Variants in SMARCA2 observed in about 807,000 individuals in gnomAD.
The protein encoded by SMARCA2 is SWI/SNF-related matrix-associated actin-dependent regulator of chromatin subfamily A member 2.
In SMARCA2, 61 loss-of-function variants were observed where a neutral mutation model predicts 199.8. The observed-to-expected ratio is 0.31, with a 90% CI of 0.25 to 0.38. The LOEUF is 0.38. Among genes scored for constraint, SMARCA2 ranks in the 10% least tolerant of loss-of-function variants. SMARCA2 has a pLI of 1.00. For missense variants in SMARCA2, 1,344 were observed against 2,012.2 expected (o/e 0.67, Z 6.35); for synonymous variants, 935 against 732.0 (o/e 1.28, Z -4.48).
rs1166652290 is a variant in SMARCA2 at position 2,039,824 on chromosome 9, GCCGCAGCAGCAGCCGCCGCAA to G, written c.717_737del (p.Gln241_Gln247del). The G allele has an allele frequency of 6.8e-6, 11 of 1,608,414 alleles. No homozygotes were observed. Among genetic ancestry groups the G allele is most frequent in the Non-Finnish European group, 9.3e-6 (11 of 1,177,466 alleles). On this transcript the variant is annotated inframe_deletion, in exon 4 of 34. Transcript: ENST00000349721. The surrounding 1 kb of genome is among the most constrained non-coding windows in gnomAD (Gnocchi z 4.8). Reference sequence around the variant, plus strand: ...AGCAGCAGCAGCAGCAGCAACAGCAGCCGCAGCAGCAGCCGCCGCAACCACAGACGCAGCAACAACAGCAGC... The same window carrying G: ...AGCAGCAGCAGCAGCAGCAACAGCAGCCACAGACGCAGCAACAACAGCAGC...
intron 27 of SMARCA2, among the ~76,000 whole-genome samples, chr9:2,143,273 G>T (rs1000636828): frequency 3.9e-5 from 6 of 152,148 alleles, no homozygotes; most frequent in Non-Finnish European, 7.3e-5. Context: ...TGTGTGTTTG[G>T]GACAGAGTTT....
chr9:2,152,518 A>T (rs988675169), intron 27 of SMARCA2, among the ~76,000 whole-genome samples: 2 of 152,110 alleles, frequency 1.3e-5, no homozygotes, highest in East Asian at 3.9e-4. Context: ...GTACCGCTGC[A>T]CTCCAGCCTG....
chr9:2,131,917 G>A (rs944088053), intron 27 of SMARCA2, among the ~76,000 whole-genome samples: 20 of 136,020 alleles, frequency 1.5e-4, no homozygotes, highest in African/African-American at 5.3e-4. Context: ...GCAGCCTGGC[G>A]ACAGAGCAAA....
Position 2,170,388 on chromosome 9 carries a change from T to G in SMARCA2, c.4200-31T>G, listed in dbSNP as rs1376888327. ...GGCGGGGACGAGAACCCAGGTCTTC[T>G]GACTCTAGTGTTCTTTCTACTCTAC... On this transcript the variant is annotated intron_variant, in intron 28 of 33. Transcript: ENST00000349721. The surrounding 1 kb of genome is among the most constrained non-coding windows in gnomAD (Gnocchi z 4.7). 6.2e-7 allele frequency: 1 copy of G among 1,613,790 alleles called. No individual in the cohort carries two copies.
chr9:2,094,729 T>G (rs2130517016), intron 19 of SMARCA2, among the ~76,000 whole-genome samples: 1 of 152,322 alleles, frequency 6.6e-6, no homozygotes, highest in East Asian at 1.9e-4. Context: ...GAAGGCTAAA[T>G]GTGGCTATCC....
intron 2 of SMARCA2, among the ~76,000 whole-genome samples, chr9:2,032,345 A>G (rs1301884723): frequency 2.0e-5 from 3 of 152,106 alleles, no homozygotes; most frequent in Non-Finnish European, 4.4e-5. Flanking sequence ...GTGTTCGTTT[A>G]TTTCCAAACT....
At chr9:2,126,507 T>A (rs1823703883) in intron 27 of SMARCA2, among the ~76,000 whole-genome samples, 1 of 152,204 alleles carries the variant, frequency 6.6e-6, no homozygotes, top group African/African-American at 2.4e-5. Context: ...GATGATGAAA[T>A]GATATTGAAG....
At chr9:2,141,085 C>G (rs1824440165) in intron 27 of SMARCA2, among the ~76,000 whole-genome samples, 1 of 152,098 alleles carries the variant, frequency 6.6e-6, no homozygotes, top group South Asian at 2.1e-4. Context: ...ACCAAGTTGG[C>G]AAGTGTCATG....
chr9:2,096,423 C>G (rs933150204), intron 19 of SMARCA2, among the ~76,000 whole-genome samples: 6 of 152,166 alleles, frequency 3.9e-5, no homozygotes, highest in African/African-American at 1.4e-4. Flanking sequence ...GAAAACATGA[C>G]CCTAGCATCA....
intron 18 of SMARCA2, among the ~76,000 whole-genome samples, chr9:2,088,114 C>A (rs1374220155): frequency 6.6e-6 from 1 of 152,224 alleles, no homozygotes; most frequent in African/African-American, 2.4e-5. Context: ...AAGGGCCTAA[C>A]TTAAGGCTGC....
At chr9:2,054,234 G>C (rs919831212) in intron 5 of SMARCA2, among the ~76,000 whole-genome samples, 2 of 152,352 alleles carry the variant, frequency 1.3e-5, no homozygotes, top group African/African-American at 2.4e-5. Flanking sequence ...TCTGCATTCT[G>C]TCTGGCTGGG....
intron 27 of SMARCA2, among the ~76,000 whole-genome samples, chr9:2,146,648 T>C (rs1328400683): frequency 6.6e-6 from 1 of 152,242 alleles, no homozygotes; most frequent in Non-Finnish European, 1.5e-5. Flanking sequence ...GGCTACTCCA[T>C]AGGCAGAGCA....
Position 2,192,932 on chromosome 9 carries a change from T to TAACA in SMARCA2, c.*194_*197dup. On this transcript the variant is annotated 3_prime_UTR_variant, in exon 34 of 34. Coordinates refer to ENST00000349721, the MANE Select transcript of SMARCA2 (RefSeq NM_003070.5). ...AAACACACACATACACAAATATTTG[T>TAACA]AACATATTGTGACCAAATGGGCCTC... 3 of 535,722 alleles carry TAACA rather than the reference T, an allele frequency of 5.6e-6. No individual in the cohort carries two copies. The Admixed American group carries it at 1.1e-4, about 19-fold the overall frequency. 33.2% of individuals were successfully genotyped at this position (535,722 alleles called of 1,614,324 possible).
At chr9:2,125,679 G>T (rs1157418965) in intron 27 of SMARCA2, among the ~76,000 whole-genome samples, 2 of 151,914 alleles carry the variant, frequency 1.3e-5, no homozygotes, top group Non-Finnish European at 1.5e-5. Context: ...TAGTAGAGAC[G>T]GGGTTTCACC....
intron 27 of SMARCA2, among the ~76,000 whole-genome samples, chr9:2,139,898 A>G (rs890373005): frequency 6.6e-6 from 1 of 152,192 alleles, no homozygotes; most frequent in Non-Finnish European, 1.5e-5. Flanking sequence ...AAGGTTGTTT[A>G]GTTTTGGGAA....
chr9:2,190,488 TA>T (rs1435144853), intron 32 of SMARCA2, among the ~76,000 whole-genome samples: 1 of 152,208 alleles, frequency 6.6e-6, no homozygotes, highest in Non-Finnish European at 1.5e-5. Flanking sequence ...CATATGTGAG[TA>T]AACAGCCAAG....
In SMARCA2 at chr9:2,193,504, T is replaced by G. The variant is rs901166717; in HGVS notation, c.*765T>G. 16 of 152,686 alleles carry G rather than the reference T, an allele frequency of 1.0e-4. No homozygotes were observed. The highest frequency in any genetic ancestry group is 8.5e-4 in the Admixed American group (13 of 15,290). The allele number at this position is 152,686 out of a possible 1,614,324, so 9.5% of individuals were successfully genotyped here. A position where few individuals can be genotyped will look rare whatever the true frequency, so the allele number is the denominator to read the frequency against. ...TTCTCCCTAAAGTGTACTTAATCTT[T>G]GCTTTCTTTGCACAATGTCTTTGGT... On this transcript the variant is annotated 3_prime_UTR_variant, in exon 34 of 34. Coordinates refer to ENST00000349721, the MANE Select transcript of SMARCA2 (RefSeq NM_003070.5).
rs1407022922 is a variant in SMARCA2 at position 2,115,004 on chromosome 9, A to G, written c.3457-818A>G. ...TGATACATACATATAGTAGGATACT[A>G]TAATTCATTTAACTAATTCAGTATT... On this transcript the variant is annotated intron_variant, in intron 24 of 33. Transcript: ENST00000349721. The surrounding 1 kb of genome is among the most constrained non-coding windows in gnomAD (Gnocchi z 6.0). Among the ~76,000 whole-genome samples, 4 of 152,170 alleles carry G rather than the reference A, an allele frequency of 2.6e-5. No individual in the cohort carries two copies. Among genetic ancestry groups the G allele is most frequent in the East Asian group, 1.9e-4 (1 of 5,196 alleles).
chr9:2,142,934 T>G (rs983205406), intron 27 of SMARCA2, among the ~76,000 whole-genome samples: 22 of 152,148 alleles, frequency 1.4e-4, no homozygotes, highest in African/African-American at 4.1e-4. Flanking sequence ...GAGTAAGGCA[T>G]CAATTTAAGT....
Sources: allele counts gnomAD v4.1 joint callset (sites outside exome capture counted in the v4.1 genomes callset), GRCh38; gene constraint gnomAD v4.1.1; non-coding constraint Gnocchi (gnomAD v3.1); transcripts MANE v1.5; gene names NCBI Gene and HGNC (gene_info 2026-07-23, HGNC 2026-07-21).